Variants in SLC25A21 observed in about 807,000 individuals in gnomAD.
SLC25A21 encodes mitochondrial 2-oxodicarboxylate carrier.
A neutral mutation model predicts 43.8 loss-of-function variants in SLC25A21; 47 were observed. The observed-to-expected ratio is 1.07, with a 90% CI of 0.85 to 1.37. The LOEUF is 1.37. SLC25A21 is among the 40% of genes most tolerant of loss of function. The pLI, the probability that SLC25A21 is intolerant of heterozygous loss-of-function variation, is 0.00. For missense variants in SLC25A21, 352 were observed against 350.2 expected, an observed-to-expected ratio of 1.00 and a Z score of -0.04; for synonymous variants, 131 against 121.3, an observed-to-expected ratio of 1.08 and a Z score of -0.52.
chr14:37,024,224 T>C (rs934806435), intron 1 of SLC25A21, among the ~76,000 whole-genome samples: 1 of 152,110 alleles, frequency 6.6e-6, no homozygotes, highest in Non-Finnish European at 1.5e-5. Flanking sequence ...TTTCTCTCCT[T>C]GCATTGTGTT....
intron 4 of SLC25A21, among the ~76,000 whole-genome samples, chr14:36,733,605 C>CTGT (rs1594534465): frequency 6.6e-6 from 1 of 152,250 alleles, no homozygotes; most frequent in African/African-American, 2.4e-5. Flanking sequence ...AGTATATGAA[C>CTGT]TGTTCCTTCT....
chr14:36,751,073 T>A (rs551473438), intron 3 of SLC25A21, among the ~76,000 whole-genome samples: 13 of 152,346 alleles, frequency 8.5e-5, no homozygotes, highest in African/African-American at 3.1e-4. Context: ...ACTGTTTATT[T>A]AGGAACAACA....
At chr14:36,853,587 A>G (rs530298379) in intron 2 of SLC25A21, among the ~76,000 whole-genome samples, 1 of 152,104 alleles carries the variant, frequency 6.6e-6, no homozygotes, top group African/African-American at 2.4e-5. Flanking sequence ...CTGCTCTCTC[A>G]CACCCAAGAG....
intron 1 of SLC25A21, among the ~76,000 whole-genome samples, chr14:36,993,392 A>G (rs1960305163): frequency 6.6e-6 from 1 of 152,204 alleles, no homozygotes; most frequent in Non-Finnish European, 1.5e-5. Context: ...TTTAATTGAG[A>G]AAATAATTTT....
At chr14:37,167,196 T>A (rs1964043716) in intron 1 of SLC25A21, among the ~76,000 whole-genome samples, 1 of 152,182 alleles carries the variant, frequency 6.6e-6, no homozygotes, top group South Asian at 2.1e-4. Context: ...CATTCTTCTG[T>A]CTGGTCAGCA....
chr14:36,695,804 T>G (rs1268800905), intron 7 of SLC25A21, among the ~76,000 whole-genome samples: 2 of 152,262 alleles, frequency 1.3e-5, no homozygotes, highest in African/African-American at 2.4e-5. Context: ...AAGGAGATTT[T>G]GGGCTGAGAC....
intron 1 of SLC25A21, among the ~76,000 whole-genome samples, chr14:36,970,015 A>G (rs1294719816): frequency 6.6e-6 from 1 of 152,192 alleles, no homozygotes; most frequent in African/African-American, 2.4e-5. Flanking sequence ...AAATTCCTAT[A>G]AAGTTGTTAC....
intron 1 of SLC25A21, among the ~76,000 whole-genome samples, chr14:37,163,770 T>G (rs973057886): frequency 6.6e-6 from 1 of 152,154 alleles, no homozygotes; most frequent in Admixed American, 6.6e-5. Flanking sequence ...CAATGTTTGA[T>G]AGCAGAGTAG....
chr14:37,128,516 TTC>T (rs561551435), intron 1 of SLC25A21, among the ~76,000 whole-genome samples: 269 of 130,828 alleles, frequency 2.1e-3, no homozygotes, highest in African/African-American at 6.5e-3. Context: ...AAGCATTACT[TTC>T]TGTCTCTCTC....
At chr14:36,754,031 T>G (rs1434416170) in intron 3 of SLC25A21, among the ~76,000 whole-genome samples, 1 of 152,120 alleles carries the variant, frequency 6.6e-6, no homozygotes, top group Non-Finnish European at 1.5e-5. Context: ...ATCCATTTTT[T>G]GGAAACTTTT....
chr14:37,076,787 G>A (rs946052619), intron 1 of SLC25A21, among the ~76,000 whole-genome samples: 5 of 152,054 alleles, frequency 3.3e-5, no homozygotes, highest in African/African-American at 7.2e-5. Flanking sequence ...CCTGGCCCCC[G>A]TAAGACTTCT....
intron 1 of SLC25A21, among the ~76,000 whole-genome samples, chr14:36,887,783 C>A (rs997570414): frequency 2.6e-5 from 4 of 152,068 alleles, no homozygotes; most frequent in Non-Finnish European, 4.4e-5. Flanking sequence ...CAGAAAGATA[C>A]ATATATTTTT....
intron 3 of SLC25A21, among the ~76,000 whole-genome samples, chr14:36,780,282 CTT>C (rs1417935843): frequency 6.6e-6 from 1 of 151,892 alleles, no homozygotes; most frequent in East Asian, 1.9e-4. Context: ...AAAAAACTAA[CTT>C]TGAGCTTCAA....
At chr14:37,092,317 G>C (rs1459608785) in intron 1 of SLC25A21, among the ~76,000 whole-genome samples, 1 of 152,160 alleles carries the variant, frequency 6.6e-6, no homozygotes, top group Admixed American at 6.5e-5. Context: ...TGCAGTAATA[G>C]TGTGAATGCA....
At chr14:37,040,586 G>C (rs1474363669) in intron 1 of SLC25A21, among the ~76,000 whole-genome samples, 2 of 151,490 alleles carry the variant, frequency 1.3e-5, no homozygotes, top group East Asian at 3.9e-4. Flanking sequence ...ACTTATTGAA[G>C]GCATCTAAAT....
chr14:37,172,053 G>C, intron 1 of SLC25A21: 1 of 543,832 alleles, frequency 1.8e-6, no homozygotes, highest in Non-Finnish European at 3.3e-6. Context: ...ACCCGAGAGC[G>C]GCCGGCGCGG....
At chr14:36,933,990 C>T (rs964260045) in intron 1 of SLC25A21, among the ~76,000 whole-genome samples, 1 of 152,058 alleles carries the variant, frequency 6.6e-6, no homozygotes, top group Non-Finnish European at 1.5e-5. Context: ...AAGTTGAATG[C>T]AAATCTCTAG....
In SLC25A21 at chr14:36,810,568, T is replaced by G. The variant is rs138476795; in HGVS notation, c.203+3350A>C. Among the ~76,000 whole-genome samples, 334 of 152,332 alleles carry G rather than the reference T, an allele frequency of 2.2e-3. 2 individuals are homozygous for G. The highest frequency in any genetic ancestry group is 7.5e-3 in the African/African-American group (312 of 41,582). On this transcript the variant is annotated intron_variant, in intron 3 of 9. Coordinates refer to ENST00000331299, the MANE Select transcript of SLC25A21 (RefSeq NM_030631.4). ...CTAAGAACTTGTTGACTTTTGTCAC[T>G]AGGTGACCTCAAAATATTTAATCAA... is the stretch of plus-strand genomic sequence containing the variant.
intron 1 of SLC25A21, among the ~76,000 whole-genome samples, chr14:37,005,057 T>C (rs1960569870): frequency 6.6e-6 from 1 of 151,858 alleles, no homozygotes; most frequent in South Asian, 2.1e-4. Flanking sequence ...AGGCAGGGCT[T>C]CCGGTGATCT....
Sources: gnomAD v4.1 joint callset for allele counts (sites outside exome capture counted in the v4.1 genomes callset) on GRCh38, gnomAD v4.1.1 for gene constraint, MANE v1.5 for transcripts, NCBI Gene and HGNC (gene_info 2026-07-23, HGNC 2026-07-21) for gene names.